The following PSMD11 variants were observed in gnomAD, a reference collection of about 807,000 sequenced individuals.
PSMD11 encodes proteasome 26S subunit, non-ATPase 11, also known as 26S proteasome non-ATPase regulatory subunit 11.
A neutral mutation model predicts 62.3 loss-of-function variants in PSMD11; 5 were observed. That is an observed-to-expected ratio of 0.08 (90% CI 0.04 to 0.17). PSMD11 has a LOEUF of 0.17. Ranked by LOEUF, PSMD11 falls within the 10% of genes least tolerant of loss-of-function variation. The probability of loss-of-function intolerance (pLI) is 1.00; values close to 1 mark genes in which losing one functional copy is unlikely to be tolerated. For synonymous variants in PSMD11, 191 were observed against 191.8 expected, an observed-to-expected ratio of 1.00 and a Z score of 0.03; for missense variants, 310 against 512.9, an observed-to-expected ratio of 0.60 and a Z score of 3.82.
Position 32,464,565 on chromosome 17 carries a change from A to G in PSMD11, c.435A>G (p.Glu145=). ...SLYFDTKRYQ[E]ALHLGSQLLR... ...ACTTTGATACCAAGAGGTACCAGGA[A>G]GCATTGCATTTGGGTAAGTAAGCTG... Residue 145 remains glutamate, a synonymous_variant, in exon 5 of 14, where the codon GAA becomes GAG. Transcript: ENST00000261712. 1.2e-6 allele frequency: 2 copies of G among 1,609,228 alleles called. No individual in the cohort carries two copies. The highest frequency in any genetic ancestry group is 1.7e-6 in the Non-Finnish European group (2 of 1,176,684).
chr17:32,473,779 T>C lies in PSMD11; in HGVS notation c.644-22T>C, dbSNP rs200121340. ...GGCTCTATTATTTTATATGTTCTTA[T>C]TCCTTTCTTTTCAATGCCCAGGTAT... On this transcript the variant is annotated intron_variant, in intron 6 of 13. Transcript: ENST00000261712. 7.0e-4 allele frequency: 1,122 copies of C among 1,611,500 alleles called. 1 individual carries two copies. Among genetic ancestry groups the C allele is most frequent in the Non-Finnish European group, 6.9e-4 (808 of 1,177,804 alleles).
chr17:32,476,056 C>T (rs1908311888), intron 8 of PSMD11, among the ~76,000 whole-genome samples: 1 of 151,918 alleles, frequency 6.6e-6, no homozygotes, highest in African/African-American at 2.4e-5. Flanking sequence ...TTGAGGTCAG[C>T]AGTTTGAGAG....
chr17:32,457,635 G>T (rs1190359744), intron 3 of PSMD11, among the ~76,000 whole-genome samples: 2 of 152,084 alleles, frequency 1.3e-5, no homozygotes, highest in Non-Finnish European at 2.9e-5. Flanking sequence ...GTGGATTATA[G>T]GTTATTTGCT....
intron 6 of PSMD11, 105 bp downstream of exon 6, chr17:32,469,298 G>A (rs1908089693): frequency 1.6e-6 from 2 of 1,220,952 alleles, no homozygotes. Flanking sequence ...GGCTGATTTG[G>A]CTCTAGCTTC....
At chr17:32,463,997 TG>T in intron 3 of PSMD11, 51 bp from the exon 4 acceptor site, 1 of 1,518,482 alleles carries the variant, frequency 6.6e-7, no homozygotes, top group Admixed American at 1.7e-5. Context: ...GCATGGTTTG[TG>T]GGAAGAATTT....
rs1567856508 is a variant in PSMD11 at position 32,468,982 on chromosome 17, G to A, written c.449-17G>A. 1.2e-6 allele frequency: 2 copies of A among 1,608,902 alleles called. No individual in the cohort carries two copies. The highest frequency in any genetic ancestry group is 2.2e-5 in the East Asian group (1 of 44,772). On this transcript the variant is annotated splice_polypyrimidine_tract_variant and intron_variant, in intron 5 of 13. Coordinates refer to ENST00000261712, the MANE Select transcript of PSMD11 (RefSeq NM_002815.4). ...TAAGCTGATGGCTATAAAGGAGAAT[G>A]TCTTTTCCTTTTTCAGGTTCTCAGC...
Position 32,477,509 on chromosome 17 carries a change from C to T in PSMD11, c.850-12C>T, listed in dbSNP as rs777981037. ...AATAAATCGCTTTCATGGTTTGTCT[C>T]TTTATTCTCAGACAGAAGCATTAAA... On this transcript the variant is annotated splice_polypyrimidine_tract_variant and intron_variant, in intron 8 of 13. Coordinates refer to ENST00000261712, the MANE Select transcript of PSMD11 (RefSeq NM_002815.4). The T allele has an allele frequency of 6.3e-7, 1 of 1,598,638 alleles. No homozygotes were observed. The highest frequency in any genetic ancestry group is 8.5e-7 in the Non-Finnish European group (1 of 1,171,880).
chr17:32,478,566 T>C (rs887053787), intron 9 of PSMD11, among the ~76,000 whole-genome samples: 3 of 152,202 alleles, frequency 2.0e-5, no homozygotes, highest in Non-Finnish European at 4.4e-5. Flanking sequence ...ATTTGGGAAA[T>C]ACTAGGGCTA....
At chr17:32,477,902 C>G (rs1908376994) in intron 9 of PSMD11, 2 of 181,688 alleles carry the variant, frequency 1.1e-5, no homozygotes, top group South Asian at 2.8e-4. Context: ...AACTGGGATT[C>G]AGGAGGACAC....
intron 3 of PSMD11, among the ~76,000 whole-genome samples, chr17:32,459,456 T>G (rs1171842866): frequency 6.6e-6 from 1 of 152,076 alleles, no homozygotes; most frequent in Non-Finnish European, 1.5e-5. Flanking sequence ...CAGGCTGGTC[T>G]CAAACTTCTG....
In PSMD11 at chr17:32,444,550, C is replaced by A. The variant is rs1235596988; in HGVS notation, c.27C>A (p.Phe9Leu). The A allele has an allele frequency of 6.8e-6, 11 of 1,609,802 alleles. No individual in the cohort carries two copies. The highest frequency in any genetic ancestry group is 1.1e-5 in the South Asian group (1 of 90,826). The change falls in exon 1 of 14, where the codon TTC (phenylalanine) becomes TTA (leucine). Residue 9 changes from phenylalanine to leucine, a missense_variant. Physicochemically the swap from Phe to Leu is conservative, Grantham distance 22. Coordinates refer to ENST00000261712, the MANE Select transcript of PSMD11 (RefSeq NM_002815.4). MAAAAVVE[F>L]QRAQSLLSTD... ...TGGCGGCGGCGGCGGTGGTGGAGTT[C>A]CAGAGAGCCCAGTCTCTACTCAGCA...
chr17:32,451,033 A>C (rs1597830470), intron 2 of PSMD11, among the ~76,000 whole-genome samples: 1 of 151,478 alleles, frequency 6.6e-6, no homozygotes, highest in Non-Finnish European at 1.5e-5. Flanking sequence ...AGGCAGGAGG[A>C]TCACTTGAGC....
At chr17:32,473,362 C>T (rs993611696) in intron 6 of PSMD11, among the ~76,000 whole-genome samples, 6 of 151,826 alleles carry the variant, frequency 4.0e-5, no homozygotes, top group African/African-American at 1.2e-4. Flanking sequence ...CCGCAACCTC[C>T]GCTTCCTGGG....
intron 11 of PSMD11, 114 bp from the exon 12 acceptor site, chr17:32,480,032 T>C: frequency 6.7e-7 from 1 of 1,482,408 alleles, no homozygotes; most frequent in Non-Finnish European, 9.4e-7. Context: ...AGTTGCATTG[T>C]TGCTATTTTG....
intron 3 of PSMD11, 115 bp downstream of exon 3, chr17:32,454,734 C>G: frequency 9.1e-7 from 1 of 1,093,374 alleles, no homozygotes; most frequent in Non-Finnish European, 1.3e-6. Flanking sequence ...GAGGACAGCG[C>G]AGGACTTATC....
chr17:32,464,652 A>G (rs1907942666), intron 5 of PSMD11, 74 bp downstream of exon 5: 3 of 1,141,706 alleles, frequency 2.6e-6, no homozygotes, highest in Admixed American at 2.2e-5. Context: ...ACTCTTACTA[A>G]TTACCTGTTA....
In PSMD11 at chr17:32,477,556, G is replaced by A. The variant is rs34248115; in HGVS notation, c.885G>A (p.Lys295=). The A allele has an allele frequency of 6.0e-3, 9,687 of 1,611,408 alleles. 50 individuals carry two copies. The highest frequency in any genetic ancestry group is 7.6e-3 in the Non-Finnish European group (8,987 of 1,178,728). The part of the protein sequence containing the change: ...EALKCVAQAS[K]NRSLADFEKA... ...TAAAATGCGTGGCTCAGGCTAGCAAGAACAGATCACTGGCAGATTTTGAAA... is the reference window on the plus strand; with the variant it reads ...TAAAATGCGTGGCTCAGGCTAGCAAAAACAGATCACTGGCAGATTTTGAAA... The change falls in exon 9 of 14, where the codon AAG becomes AAA. Residue 295 remains lysine (K), a synonymous_variant. Transcript: ENST00000261712.
chr17:32,479,555 G>A lies in PSMD11; in HGVS notation c.1038+179G>A, dbSNP rs952091112. 1.1e-5 allele frequency: 10 copies of A among 919,948 alleles called. No individual in the cohort carries two copies. In the African/African-American group the frequency reaches 1.2e-4, roughly 11 times the overall value. 57.0% of individuals were successfully genotyped at this position (919,948 alleles called of 1,614,324 possible). A position where few individuals can be genotyped will look rare whatever the true frequency, so the allele number is the denominator to read the frequency against. On this transcript the variant is annotated intron_variant, in intron 10 of 13. Transcript: ENST00000261712. ...AAAATCGAGGAGAGAGATGCTGTGG[G>A]TAGAGGCATGTGGGTTGCCCCTGCA...
chr17:32,450,927 A>G (rs2049304641), intron 2 of PSMD11, among the ~76,000 whole-genome samples: 1 of 151,544 alleles, frequency 6.6e-6, no homozygotes, highest in Admixed American at 6.6e-5. Flanking sequence ...TTAAAGCAGC[A>G]TGGGTAACAT....
Sources: gnomAD v4.1 joint callset for allele counts (sites outside exome capture counted in the v4.1 genomes callset) on GRCh38, gnomAD v4.1.1 for gene constraint, MANE v1.5 for transcripts, NCBI Gene and HGNC (gene_info 2026-07-23, HGNC 2026-07-21) for gene names.